POLA2: variants seen among roughly 807,000 people sequenced by gnomAD.
POLA2 encodes the protein DNA polymerase alpha subunit B.
A neutral mutation model predicts 82.8 loss-of-function variants in POLA2; 47 were observed. The ratio of observed to expected loss-of-function variants is 0.57; its 90% CI spans 0.45 to 0.72. The LOEUF is 0.72. Among genes scored for constraint, POLA2 ranks in the 30% least tolerant of loss-of-function variants. The pLI is 0.00. For synonymous variants in POLA2, 287 were observed against 286.8 expected, an observed-to-expected ratio of 1.00 and a Z score of -0.01; for missense variants, 634 against 728.1, an observed-to-expected ratio of 0.87 and a Z score of 1.49.
At chr11:65,265,241 G>T (rs1211973038) in intron 1 of POLA2, among the ~76,000 whole-genome samples, 1 of 151,376 alleles carries the variant, frequency 6.6e-6, no homozygotes, top group African/African-American at 2.4e-5. Context: ...AAAAAAAAGG[G>T]GGGGGGCCTT....
Position 65,295,576 on chromosome 11 carries a change from C to G in POLA2, c.1497C>G (p.Leu499=). The stretch of plus-strand genomic sequence containing the variant: ...CTTCAGACAGATTCAGCCGAATACT[C>G]AAGCACATCTTGACCCAGAGGAGGT... ...SGTSDRFSRI[L]KHILTQRSYY... Residue 499 remains leucine (L), a synonymous_variant, in exon 16 of 18, where the codon CTC becomes CTG. Coordinates refer to ENST00000265465, the MANE Select transcript of POLA2 (RefSeq NM_002689.4). The G allele has an allele frequency of 1.2e-6, 2 of 1,613,942 alleles. No homozygotes were observed. Among genetic ancestry groups the G allele is most frequent in the East Asian group, 2.2e-5 (1 of 44,886 alleles).
intron 4 of POLA2, among the ~76,000 whole-genome samples, chr11:65,271,186 C>T (rs930796834): frequency 9.9e-5 from 15 of 152,178 alleles, no homozygotes; most frequent in African/African-American, 2.9e-4. Context: ...GATGGAAGCT[C>T]CTTGAGAATA....
Position 65,294,228 on chromosome 11 carries a change from C to G in POLA2, c.1320C>G (p.Phe440Leu), listed in dbSNP as rs780388902. ...AGCCTGTGTACCCCCAGCCGCCTTTCAGCTACTCCGATCTGTCTCGAGAGG... is the reference window on the plus strand; with the variant it reads ...AGCCTGTGTACCCCCAGCCGCCTTTGAGCTACTCCGATCTGTCTCGAGAGG... ...HHEPVYPQPP[F>L]SYSDLSREDK... The change falls in exon 14 of 18, where the codon TTC (phenylalanine) becomes TTG (leucine). Residue 440 changes from phenylalanine to leucine, a missense_variant. Coordinates refer to ENST00000265465, the MANE Select transcript of POLA2 (RefSeq NM_002689.4). The G allele has an allele frequency of 6.2e-7, 1 of 1,614,156 alleles. No homozygotes were observed.
chr11:65,305,153 C>T (rs1187269282), intron 8 of POLA2, among the ~76,000 whole-genome samples: 1 of 152,116 alleles, frequency 6.6e-6, no homozygotes, highest in Admixed American at 6.5e-5. Context: ...TCTCTCCCTT[C>T]TACGCTAACT....
chr11:65,287,034 G>A (rs770071442), intron 10 of POLA2, among the ~76,000 whole-genome samples: 7 of 152,172 alleles, frequency 4.6e-5, no homozygotes, highest in Admixed American at 1.3e-4. Flanking sequence ...CCTCAAGATT[G>A]CAGACCCTGG....
intron 10 of POLA2, 123 bp from the exon 11 acceptor site, chr11:65,287,593 A>G (rs1237214783): frequency 1.2e-6 from 1 of 828,948 alleles, no homozygotes; most frequent in Non-Finnish European, 1.9e-6. Context: ...TTGGGTCCCC[A>G]GAGTTTCACA....
chr11:65,270,187 G>A (rs1337079727), intron 4 of POLA2, among the ~76,000 whole-genome samples: 1 of 152,080 alleles, frequency 6.6e-6, no homozygotes, highest in African/African-American at 2.4e-5. Flanking sequence ...AAACATGGAG[G>A]GAGCCTTAAT....
Position 65,268,721 on chromosome 11 carries a change from C to A in POLA2, c.346C>A (p.Pro116Thr), listed in dbSNP as rs1248166593. Residue 116 changes from proline (P) to threonine (T), a missense_variant, in exon 4 of 18, where the codon CCT becomes ACT. Coordinates refer to ENST00000265465, the MANE Select transcript of POLA2 (RefSeq NM_002689.4). ...AATCCTCTTGAACTCTTACACCACACCTTCAAAGGTAAGTAAACAGTGTTT... is the reference window on the plus strand; with the variant it reads ...AATCCTCTTGAACTCTTACACCACAACTTCAAAGGTAAGTAAACAGTGTTT... ...EEILLNSYTT[P>T]SKGSQKRAIS... The A allele has an allele frequency of 9.5e-6, 15 of 1,580,606 alleles. No homozygotes were observed. The highest frequency in any genetic ancestry group is 3.5e-5 in the South Asian group (3 of 86,700).
intron 1 of POLA2, among the ~76,000 whole-genome samples, chr11:65,265,075 A>G (rs1173070591): frequency 6.6e-6 from 1 of 152,198 alleles, no homozygotes; most frequent in Non-Finnish European, 1.5e-5. Context: ...CTTAAAATAC[A>G]AAAATTAGCT....
chr11:65,284,385 A>C (rs1285190096), intron 10 of POLA2, among the ~76,000 whole-genome samples: 2 of 151,862 alleles, frequency 1.3e-5, no homozygotes, highest in African/African-American at 4.8e-5. Context: ...GCGAGGCTGA[A>C]GTAGGAGGAT....
In POLA2 at chr11:65,298,598, A is replaced by C. The variant is rs1004341550; in HGVS notation, c.*1329A>C. ...TAAATAGATGACCTAACAGTGGCCAACTTTTGCCTCTCACCTTTCTGACGG... is the reference window on the plus strand; with the variant it reads ...TAAATAGATGACCTAACAGTGGCCACCTTTTGCCTCTCACCTTTCTGACGG... On this transcript the variant is annotated 3_prime_UTR_variant, in exon 18 of 18. Coordinates refer to ENST00000265465, the MANE Select transcript of POLA2 (RefSeq NM_002689.4). 1.1e-4 allele frequency: 16 copies of C among 152,284 alleles called. No homozygotes were observed. Among genetic ancestry groups the C allele is most frequent in the African/African-American group, 3.9e-4 (16 of 41,472 alleles). 9.4% of individuals were successfully genotyped at this position (152,284 alleles called of 1,614,324 possible). A position where few individuals can be genotyped will look rare whatever the true frequency, so the allele number is the denominator to read the frequency against.
rs1454656464 is a variant in POLA2, at chr11:65,279,583, A to C, written c.701A>C (p.His234Pro). The C allele has an allele frequency of 6.2e-7, 1 of 1,613,808 alleles. No homozygotes were observed. Among genetic ancestry groups the C allele is most frequent in the Admixed American group, 1.7e-5 (1 of 59,994 alleles). ...IEELGSELKE[H>P]YKIEAFTPLL... ...GAACTTGGCAGCGAACTCAAGGAACATTACAAGATTGAAGCTTTCACTCCT... is the reference window on the plus strand; with the variant it reads ...GAACTTGGCAGCGAACTCAAGGAACCTTACAAGATTGAAGCTTTCACTCCT... Residue 234 changes from histidine to proline, a missense_variant, in exon 7 of 18, where the codon CAT becomes CCT. Transcript: ENST00000265465.
downstream of POLA2, among the ~76,000 whole-genome samples, chr11:65,303,216 C>G (rs1209719447): frequency 6.6e-6 from 1 of 151,996 alleles, no homozygotes; most frequent in East Asian, 1.9e-4. Flanking sequence ...GTGGCAGGCA[C>G]CTGTAGTCCC....
chr11:65,271,159 C>G (rs1346539887), intron 4 of POLA2, among the ~76,000 whole-genome samples: 2 of 152,066 alleles, frequency 1.3e-5, no homozygotes, highest in Non-Finnish European at 2.9e-5. Flanking sequence ...TTGTTTTAGT[C>G]GGCCTTCCCT....
In POLA2 at chr11:65,268,712, T is replaced by G; in HGVS notation, c.337T>G (p.Tyr113Asp). ...EEEEEILLNS[Y>D]TTPSKGSQKR... is the part of the protein sequence containing the mutation. Reference sequence around the variant, plus strand: ...AGAAGAGGAAATCCTCTTGAACTCTTACACCACACCTTCAAAGGTAAGTAA... The same window carrying G: ...AGAAGAGGAAATCCTCTTGAACTCTGACACCACACCTTCAAAGGTAAGTAA... Residue 113 changes from tyrosine to aspartate, a missense_variant, in exon 4 of 18, where the codon TAC (tyrosine) becomes GAC (aspartate). Tyr to Asp is a radical substitution (Grantham distance 160, BLOSUM62 -3). Transcript: ENST00000265465. The G allele has an allele frequency of 6.3e-7, 1 of 1,592,010 alleles. No homozygotes were observed. Among genetic ancestry groups the G allele is most frequent in the East Asian group, 2.3e-5 (1 of 43,274 alleles).
At chr11:65,282,330 A>T in intron 9 of POLA2, 149 bp from the exon 10 acceptor site, 1 of 681,538 alleles carries the variant, frequency 1.5e-6, no homozygotes, top group Admixed American at 2.3e-5. Context: ...AGGGAGCAAG[A>T]CAGAGGCACA....
Position 65,289,801 on chromosome 11 carries a change from T to C in POLA2, c.1173T>C (p.Asn391=), listed in dbSNP as rs1474325195. The C allele has an allele frequency of 1.2e-6, 2 of 1,600,964 alleles. No individual in the cohort carries two copies. Among genetic ancestry groups the C allele is most frequent in the Non-Finnish European group, 1.7e-6 (2 of 1,168,350 alleles). Residue 391 remains asparagine (N), a splice_region_variant and synonymous_variant, in exon 13 of 18, where the codon AAT becomes AAC. Coordinates refer to ENST00000265465, the MANE Select transcript of POLA2 (RefSeq NM_002689.4). The part of the protein sequence containing the change: ...FLDAKHEQVE[N]CLLTSPFEDI... Reference sequence around the variant, plus strand: ...CTGTCTCCTTTCCTTTCTTGCAGAATTGTCTACTGACAAGTCCATTTGAAG... The same window carrying C: ...CTGTCTCCTTTCCTTTCTTGCAGAACTGTCTACTGACAAGTCCATTTGAAG...
At chr11:65,267,985 G>A (rs1010783402) in intron 3 of POLA2, among the ~76,000 whole-genome samples, 19 of 151,788 alleles carry the variant, frequency 1.3e-4, no homozygotes, top group African/African-American at 4.6e-4. Context: ...GTAGAGACAG[G>A]GTTTCACCAT....
At chr11:65,279,716 C>G in intron 7 of POLA2, 90 bp downstream of exon 7, 1 of 913,772 alleles carries the variant, frequency 1.1e-6, no homozygotes, top group South Asian at 1.5e-5. Context: ...TTTTTCACTT[C>G]TTGTCTGTGT....
Sources: gnomAD v4.1 joint callset for allele counts (sites outside exome capture counted in the v4.1 genomes callset) on GRCh38, gnomAD v4.1.1 for gene constraint, MANE v1.5 for transcripts, NCBI Gene and HGNC (gene_info 2026-07-23, HGNC 2026-07-21) for gene names.